Variants in SNX24 observed in about 807,000 individuals in gnomAD.
The protein encoded by SNX24 is sorting nexin-24.
A neutral mutation model predicts 28.7 loss-of-function variants in SNX24; 22 were observed. The observed-to-expected ratio is 0.77, with a 90% CI of 0.55 to 1.10. The LOEUF is 1.10. Ranked by LOEUF, SNX24 falls within the 50% of genes least tolerant of loss-of-function variation. SNX24 has a pLI of 0.00. For missense variants in SNX24, 221 were observed against 201.1 expected (o/e 1.10, Z -0.60); for synonymous variants, 69 against 71.5 (o/e 0.96, Z 0.18).
intron 1 of SNX24, among the ~76,000 whole-genome samples, chr5:122,919,166 C>T (rs866666185): frequency 6.6e-6 from 1 of 152,168 alleles, no homozygotes; most frequent in Non-Finnish European, 1.5e-5. Context: ...CATATATTGA[C>T]AACACTTCAA....
intron 1 of SNX24, among the ~76,000 whole-genome samples, chr5:122,928,877 C>G (rs1018326611): frequency 2.1e-5 from 3 of 145,314 alleles, no homozygotes; most frequent in East Asian, 2.4e-4. Flanking sequence ...TGTTCTTGCT[C>G]AAGTATTATT....
At chr5:122,943,750 T>C (rs1759563136) in intron 2 of SNX24, among the ~76,000 whole-genome samples, 3 of 152,186 alleles carry the variant, frequency 2.0e-5, no homozygotes, top group Admixed American at 2.0e-4. Context: ...AATCATGGAG[T>C]GACTGTCCTG....
At chr5:122,911,154 T>C (rs375851332) in intron 1 of SNX24, among the ~76,000 whole-genome samples, 1,942 of 152,286 alleles carry the variant, frequency 0.013, 18 homozygotes, top group Non-Finnish European at 0.02. Context: ...TTTTAATGAT[T>C]GCCATTCTAA....
At chr5:122,910,867 G>C (rs924439113) in intron 1 of SNX24, among the ~76,000 whole-genome samples, 10 of 151,854 alleles carry the variant, frequency 6.6e-5, no homozygotes, top group African/African-American at 2.2e-4. Flanking sequence ...CCAGTGTATC[G>C]TTGTTGGACA....
rs1166014912 is a variant in SNX24, at chr5:123,007,719, G to A, written c.480G>A (p.Gly160=). The A allele has an allele frequency of 1.9e-6, 3 of 1,598,206 alleles. No individual in the cohort carries two copies. Among genetic ancestry groups the A allele is most frequent in the East Asian group, 4.5e-5 (2 of 44,690 alleles). ...PNVVIEGVLH[G]IFYPHLQPR ...TGGTTATTGAAGGAGTCCTCCATGG[G>A]ATATTTTACCCTCATCTACAGCCCA... Residue 160 remains glycine, a synonymous_variant, in exon 7 of 7, where the codon GGG becomes GGA. Coordinates refer to ENST00000261369, the MANE Select transcript of SNX24 (RefSeq NM_014035.4).
At chr5:122,869,792 T>C (rs1755890283) in intron 1 of SNX24, among the ~76,000 whole-genome samples, 1 of 152,222 alleles carries the variant, frequency 6.6e-6, no homozygotes, top group Admixed American at 6.5e-5. Flanking sequence ...CCATTGATAG[T>C]TTTGCAGAAA....
intron 1 of SNX24, among the ~76,000 whole-genome samples, chr5:122,925,142 C>A (rs1270754816): frequency 8.7e-6 from 1 of 115,176 alleles, no homozygotes; most frequent in Non-Finnish European, 1.8e-5. Context: ...TCCATTCTTA[C>A]CCCTGCCCCT....
intron 3 of SNX24, among the ~76,000 whole-genome samples, chr5:122,948,833 G>C (rs1409768927): frequency 6.6e-6 from 1 of 152,158 alleles, no homozygotes; most frequent in East Asian, 1.9e-4. Flanking sequence ...ATGTGTTGTG[G>C]ATTTTTCTAA....
intron 6 of SNX24, among the ~76,000 whole-genome samples, chr5:123,002,895 T>C (rs191611988): frequency 1.3e-5 from 2 of 152,322 alleles, no homozygotes; most frequent in Non-Finnish European, 1.5e-5. Flanking sequence ...CCTTGTGAAC[T>C]AAGCAGGGCA....
intron 6 of SNX24, among the ~76,000 whole-genome samples, chr5:123,002,831 G>A (rs1762292110): frequency 6.6e-6 from 1 of 152,166 alleles, no homozygotes; most frequent in South Asian, 2.1e-4. Context: ...GTTCTGTTAT[G>A]CATCTCTTTA....
At chr5:122,862,130 A>G (rs1235627576) in intron 1 of SNX24, among the ~76,000 whole-genome samples, 1 of 152,140 alleles carries the variant, frequency 6.6e-6, no homozygotes, top group Non-Finnish European at 1.5e-5. Context: ...GGAGAAGGGT[A>G]AGAAGTGTGG....
At chr5:122,936,399 A>C (rs1412342352) in intron 1 of SNX24, among the ~76,000 whole-genome samples, 1 of 152,172 alleles carries the variant, frequency 6.6e-6, no homozygotes, top group Non-Finnish European at 1.5e-5. Context: ...ACTCTGGTAA[A>C]GAGTATTGTT....
At chr5:123,000,053 C>A in intron 4 of SNX24, 47 bp downstream of exon 4, 1 of 1,214,802 alleles carries the variant, frequency 8.2e-7, no homozygotes, top group Non-Finnish European at 1.2e-6. Context: ...AATTACTCTT[C>A]AATGACCAAT....
chr5:122,951,984 G>A (rs1185865922), intron 3 of SNX24, among the ~76,000 whole-genome samples: 4 of 152,164 alleles, frequency 2.6e-5, no homozygotes, highest in South Asian at 2.1e-4. Flanking sequence ...CTGGCATGAC[G>A]CCACAAGAGG....
At chr5:122,872,880 G>A (rs1756045893) in intron 1 of SNX24, among the ~76,000 whole-genome samples, 1 of 151,920 alleles carries the variant, frequency 6.6e-6, no homozygotes, top group African/African-American at 2.4e-5. Flanking sequence ...GCTCTAAGCA[G>A]AAGTAGAATT....
At chr5:122,853,003 A>ATTT (rs1754991443) in intron 1 of SNX24, among the ~76,000 whole-genome samples, 3 of 152,024 alleles carry the variant, frequency 2.0e-5, no homozygotes, top group East Asian at 3.9e-4. Context: ...GCCATTGTGT[A>ATTT]ACAAGGACGT....
intron 2 of SNX24, 99 bp downstream of exon 2, chr5:122,936,916 T>C: frequency 1.6e-6 from 1 of 606,260 alleles, no homozygotes; most frequent in Non-Finnish European, 2.9e-6. Flanking sequence ...TGATATTTCT[T>C]GTGTATGTAT....
intron 1 of SNX24, among the ~76,000 whole-genome samples, chr5:122,863,785 G>A (rs561744618): frequency 6.6e-6 from 1 of 152,264 alleles, no homozygotes; most frequent in South Asian, 2.1e-4. Flanking sequence ...AAAGCCCTAG[G>A]CTAAAGGGAT....
At chr5:122,926,570 C>G (rs1758703005) in intron 1 of SNX24, among the ~76,000 whole-genome samples, 1 of 152,102 alleles carries the variant, frequency 6.6e-6, no homozygotes, top group African/African-American at 2.4e-5. Flanking sequence ...GTATTAGAGT[C>G]AAAATTAACA....
Sources: gnomAD v4.1 joint callset for allele counts (sites outside exome capture counted in the v4.1 genomes callset) on GRCh38, gnomAD v4.1.1 for gene constraint, MANE v1.5 for transcripts, NCBI Gene and HGNC (gene_info 2026-07-23, HGNC 2026-07-21) for gene names.